CARMIL1: variants seen among roughly 807,000 people sequenced by gnomAD.
The protein encoded by CARMIL1 is F-actin-uncapping protein LRRC16A.
CARMIL1 carries 90 observed loss-of-function variants against 177.1 expected under a neutral mutation model. The ratio of observed to expected loss-of-function variants is 0.51; its 90% confidence interval spans 0.43 to 0.61. The LOEUF is 0.61. Among genes scored for constraint, CARMIL1 ranks in the 20% least tolerant of loss-of-function variants. The probability of loss-of-function intolerance (pLI) is 0.00; values close to 1 mark genes in which losing one functional copy is unlikely to be tolerated. For synonymous variants in CARMIL1, 577 were observed against 606.2 expected (o/e 0.95, Z 0.71); for missense variants, 1,380 against 1,667.0 (o/e 0.83, Z 3.00).
intron 8 of CARMIL1, among the ~76,000 whole-genome samples, chr6:25,455,680 G>A (rs1056067783): frequency 3.9e-5 from 6 of 152,118 alleles, no homozygotes; most frequent in African/African-American, 1.4e-4. Flanking sequence ...ATTCTTACAC[G>A]GTTCCATTTG....
chr6:25,408,701 GTAT>G (rs1794630311), intron 2 of CARMIL1, among the ~76,000 whole-genome samples: 1 of 152,068 alleles, frequency 6.6e-6, no homozygotes, highest in South Asian at 2.1e-4. Flanking sequence ...ATTGGATGCT[GTAT>G]TGTCCCCTGA....
chr6:25,576,724 G>C (rs893509034), intron 29 of CARMIL1, among the ~76,000 whole-genome samples: 1 of 152,150 alleles, frequency 6.6e-6, no homozygotes, highest in Non-Finnish European at 1.5e-5. Flanking sequence ...ATATCTGTAG[G>C]TTAGGAGTTT....
intron 2 of CARMIL1, among the ~76,000 whole-genome samples, chr6:25,351,595 C>G (rs562728486): frequency 6.6e-6 from 1 of 152,166 alleles, no homozygotes; most frequent in South Asian, 2.1e-4. Flanking sequence ...TAGTTGGATG[C>G]GAGGTTGCCT....
intron 2 of CARMIL1, among the ~76,000 whole-genome samples, chr6:25,313,545 G>T (rs2150213524): frequency 6.7e-6 from 1 of 149,206 alleles, no homozygotes. Flanking sequence ...TATTTGGAGG[G>T]ACTCTGGGCA....
At chr6:25,493,655 C>A (rs1488476900) in intron 15 of CARMIL1, among the ~76,000 whole-genome samples, 1 of 152,190 alleles carries the variant, frequency 6.6e-6, no homozygotes, top group African/African-American at 2.4e-5. Context: ...TCATACACAT[C>A]ATTTCTGCTC....
intron 29 of CARMIL1, among the ~76,000 whole-genome samples, chr6:25,566,489 T>C (rs1811561836): frequency 6.6e-6 from 1 of 152,236 alleles, no homozygotes; most frequent in African/African-American, 2.4e-5. Context: ...TTCGTGCTGT[T>C]TAGGTCACAA....
intron 9 of CARMIL1, among the ~76,000 whole-genome samples, chr6:25,468,264 A>G (rs1800801770): frequency 6.6e-6 from 1 of 151,836 alleles, no homozygotes. Context: ...TTCTTGATTC[A>G]TTAAAAAAAA....
At chr6:25,280,921 CCT>C (rs959776726) in intron 1 of CARMIL1, among the ~76,000 whole-genome samples, 33 of 151,910 alleles carry the variant, frequency 2.2e-4, no homozygotes, top group African/African-American at 7.2e-4. Context: ...GGAATTTGCC[CCT>C]CTGTTGTTTC....
At chr6:25,536,292 A>C (rs934447924) in intron 24 of CARMIL1, among the ~76,000 whole-genome samples, 1 of 152,114 alleles carries the variant, frequency 6.6e-6, no homozygotes, top group South Asian at 2.1e-4. Flanking sequence ...ATTTTAAAAA[A>C]CTTATAGTTA....
intron 2 of CARMIL1, among the ~76,000 whole-genome samples, chr6:25,322,976 C>G (rs1266137805): frequency 1.3e-5 from 2 of 152,144 alleles, no homozygotes. Context: ...TTAGGGAAGA[C>G]TCAGAGGAGG....
chr6:25,399,097 A>G (rs766949917), intron 2 of CARMIL1, among the ~76,000 whole-genome samples: 3 of 152,180 alleles, frequency 2.0e-5, no homozygotes, highest in Admixed American at 6.5e-5. Flanking sequence ...AAGAGCTATT[A>G]TGAACTAGTG....
chr6:25,344,598 C>T (rs904936901), intron 2 of CARMIL1, among the ~76,000 whole-genome samples: 1 of 152,202 alleles, frequency 6.6e-6, no homozygotes, highest in Non-Finnish European at 1.5e-5. Context: ...TGTGTTTCCA[C>T]TGTCTCTTCA....
At chr6:25,555,715 T>C (rs1193496863) in intron 28 of CARMIL1, among the ~76,000 whole-genome samples, 1 of 151,926 alleles carries the variant, frequency 6.6e-6, no homozygotes, top group Non-Finnish European at 1.5e-5. Flanking sequence ...CCTTTTAAAA[T>C]AAACTTATTT....
In CARMIL1 at chr6:25,584,829, A is replaced by C. The variant is rs569938693; in HGVS notation, c.3006+3390A>C. ...GAAAGGCAAGGGGAAGATGAGAATG[A>C]CCTTCCTGCTTTTGCTATTTCCTCA... On this transcript the variant is annotated intron_variant, in intron 31 of 36. Transcript: ENST00000329474. Among the ~76,000 whole-genome samples the C allele has an allele frequency of 8.5e-5, 13 of 152,308 alleles. No individual in the cohort carries two copies. The South Asian group carries it at 2.7e-3, about 32-fold the overall frequency.
intron 2 of CARMIL1, among the ~76,000 whole-genome samples, chr6:25,309,229 G>C (rs1456846838): frequency 6.6e-6 from 1 of 151,814 alleles, no homozygotes; most frequent in Non-Finnish European, 1.5e-5. Flanking sequence ...ATTCAGGCTG[G>C]GTGTGGTGGC....
At chr6:25,448,870 A>G (rs973586378) in intron 5 of CARMIL1, among the ~76,000 whole-genome samples, 2 of 151,474 alleles carry the variant, frequency 1.3e-5, no homozygotes, top group South Asian at 4.2e-4. Context: ...AACTAATGAC[A>G]GTATCAGTTA....
chr6:25,312,301 G>C (rs1783890553), intron 2 of CARMIL1, among the ~76,000 whole-genome samples: 1 of 152,170 alleles, frequency 6.6e-6, no homozygotes, highest in African/African-American at 2.4e-5. Flanking sequence ...TTGTTTGACT[G>C]CTTTAGTACA....
chr6:25,396,180 T>TAA (rs1554186105), intron 2 of CARMIL1, among the ~76,000 whole-genome samples: 5 of 151,514 alleles, frequency 3.3e-5, no homozygotes, highest in African/African-American at 2.4e-5. Context: ...TTTTTTTTTT[T>TAA]AAGACTGTCT....
intron 26 of CARMIL1, among the ~76,000 whole-genome samples, chr6:25,544,163 A>C (rs999968816): frequency 4.6e-5 from 7 of 152,154 alleles, no homozygotes; most frequent in African/African-American, 2.4e-5. Flanking sequence ...ATTTTCCCCC[A>C]AAAAGAAAAC....
Sources: gnomAD v4.1 joint callset for allele counts (sites outside exome capture counted in the v4.1 genomes callset) on GRCh38, gnomAD v4.1.1 for gene constraint, MANE v1.5 for transcripts, NCBI Gene and HGNC (gene_info 2026-07-23, HGNC 2026-07-21) for gene names.